Variants in ATP10A observed in about 807,000 individuals in gnomAD.
ATP10A encodes the protein ATPase phospholipid transporting 10A (putative).
A neutral mutation model predicts 147.8 loss-of-function variants in ATP10A; 111 were observed. That is an observed-to-expected ratio of 0.75 (90% confidence interval 0.64 to 0.88). The LOEUF is 0.88. Among genes scored for constraint, ATP10A ranks in the 40% least tolerant of loss-of-function variants. The pLI is 0.00. For missense variants in ATP10A, 1,927 were observed against 1,959.0 expected, an observed-to-expected ratio of 0.98 and a Z score of 0.31; for synonymous variants, 875 against 841.6, an observed-to-expected ratio of 1.04 and a Z score of -0.69.
At chr15:25,856,315 C>T (rs555654483) in intron 1 of ATP10A, among the ~76,000 whole-genome samples, 3 of 152,290 alleles carry the variant, frequency 2.0e-5, no homozygotes, top group African/African-American at 7.2e-5. Context: ...CCTGCTTGCA[C>T]TCATTCTCTC....
chr15:25,847,340 C>T (rs901165562), intron 1 of ATP10A, among the ~76,000 whole-genome samples: 1 of 152,148 alleles, frequency 6.6e-6, no homozygotes, highest in Non-Finnish European at 1.5e-5. Flanking sequence ...CCTCTCTGGG[C>T]TCCCATTTCC....
intron 13 of ATP10A, among the ~76,000 whole-genome samples, chr15:25,698,375 G>A (rs528299951): frequency 1.2e-3 from 183 of 152,256 alleles, no homozygotes; most frequent in Non-Finnish European, 2.1e-3. Flanking sequence ...GTGAAGATCC[G>A]CTTTCACTTA....
chr15:25,739,232 G>A (rs1000495803), intron 2 of ATP10A, among the ~76,000 whole-genome samples: 2 of 152,104 alleles, frequency 1.3e-5, no homozygotes, highest in Non-Finnish European at 2.9e-5. Flanking sequence ...ACTGCACTCG[G>A]CCTTAATTGC....
At chr15:25,836,022 C>G (rs1431700693) in intron 1 of ATP10A, among the ~76,000 whole-genome samples, 3 of 152,194 alleles carry the variant, frequency 2.0e-5, no homozygotes, top group East Asian at 3.9e-4. Context: ...ACCGTGTTAG[C>G]CAGGATGGTC....
intron 1 of ATP10A, among the ~76,000 whole-genome samples, chr15:25,789,736 G>A (rs375948388): frequency 2.0e-5 from 3 of 152,278 alleles, no homozygotes; most frequent in African/African-American, 7.2e-5. Flanking sequence ...GCTTTCAAAG[G>A]TTTCTCCGCC....
intron 1 of ATP10A, among the ~76,000 whole-genome samples, chr15:25,848,419 C>G (rs551916953): frequency 6.6e-6 from 1 of 152,194 alleles, no homozygotes; most frequent in South Asian, 2.1e-4. Context: ...CTCCTGAGGA[C>G]CTGGGACTAC....
intron 1 of ATP10A, among the ~76,000 whole-genome samples, chr15:25,852,239 C>T (rs1893329426): frequency 6.6e-6 from 1 of 151,948 alleles, no homozygotes; most frequent in Admixed American, 6.6e-5. Flanking sequence ...CTGTTAAGTG[C>T]CATCCTCCCT....
intron 1 of ATP10A, among the ~76,000 whole-genome samples, chr15:25,804,477 T>A (rs1308727645): frequency 7.1e-6 from 1 of 140,674 alleles, no homozygotes; most frequent in Non-Finnish European, 1.5e-5. Context: ...GGTGTATGTA[T>A]GTGTGTGGTG....
chr15:25,749,264 C>T (rs1322777198), intron 2 of ATP10A, among the ~76,000 whole-genome samples: 1 of 151,978 alleles, frequency 6.6e-6, no homozygotes, highest in Non-Finnish European at 1.5e-5. Flanking sequence ...GCTAGGAATA[C>T]ATCTAAAAAA....
chr15:25,718,431 T>C (rs976310568), intron 7 of ATP10A, 32 bp from the exon 8 acceptor site: 7 of 1,558,710 alleles, frequency 4.5e-6, no homozygotes, highest in South Asian at 2.3e-5. Context: ...TGAGGCATCA[T>C]GGGGGAAGGC....
intron 1 of ATP10A, among the ~76,000 whole-genome samples, chr15:25,794,575 G>A (rs551456044): frequency 6.6e-6 from 1 of 152,192 alleles, no homozygotes; most frequent in Non-Finnish European, 1.5e-5. Flanking sequence ...ATGGAGACAT[G>A]ATTTCCCTGG....
chr15:25,701,017 C>T (rs1026576782), intron 13 of ATP10A, among the ~76,000 whole-genome samples: 10 of 151,684 alleles, frequency 6.6e-5, no homozygotes, highest in African/African-American at 1.7e-4. Context: ...CCCCGGCCAG[C>T]GTGGCTGTGA....
chr15:25,694,936 A>G lies in ATP10A; in HGVS notation c.2971T>C (p.Phe991Leu). 1 of 1,614,132 alleles carries G rather than the reference A, an allele frequency of 6.2e-7. No individual in the cohort carries two copies. Among genetic ancestry groups the G allele is most frequent in the East Asian group, 2.2e-5 (1 of 44,866 alleles). ...CGGCACTGCTTGGCAAGGAAGAGGA[A>G]TTTGTCCTCCAGGTTTTTCTCGAGA... ...YALEKNLEDKFLFLAKQCRSV... is the reference protein window; with the variant it reads ...YALEKNLEDKLLFLAKQCRSV... Residue 991 changes from phenylalanine to leucine, a missense_variant, in exon 14 of 21, where the codon TTC becomes CTC. Phe to Leu is a conservative substitution (Grantham distance 22). Coordinates refer to ENST00000555815, the MANE Select transcript of ATP10A (RefSeq NM_024490.4).
At chr15:25,813,183 T>A (rs1286204287) in intron 1 of ATP10A, among the ~76,000 whole-genome samples, 2 of 152,138 alleles carry the variant, frequency 1.3e-5, no homozygotes, top group African/African-American at 4.8e-5. Context: ...AAAGACCCAA[T>A]GGTAAAAGCA....
chr15:25,821,395 AAAAC>A, intron 1 of ATP10A, among the ~76,000 whole-genome samples: 1 of 110,524 alleles, frequency 9.0e-6, no homozygotes, highest in East Asian at 2.3e-4. Context: ...TGTCTCAAAA[AAAAC>A]AAAAAAAAAA....
downstream of ATP10A, among the ~76,000 whole-genome samples, chr15:25,676,191 G>A (rs894293484): frequency 6.6e-6 from 1 of 152,158 alleles, no homozygotes; most frequent in African/African-American, 2.4e-5. Context: ...GAAAGCAGGA[G>A]GAGGGCAAAG....
At chr15:25,817,771 T>C (rs781459952) in intron 1 of ATP10A, among the ~76,000 whole-genome samples, 2 of 152,200 alleles carry the variant, frequency 1.3e-5, no homozygotes, top group Non-Finnish European at 2.9e-5. Flanking sequence ...TAACCTTTCC[T>C]GGGGTCAGAT....
At chr15:25,741,347 C>T (rs1456363727) in intron 2 of ATP10A, among the ~76,000 whole-genome samples, 1 of 152,132 alleles carries the variant, frequency 6.6e-6, no homozygotes, top group Non-Finnish European at 1.5e-5. Flanking sequence ...CTGCCTGCCG[C>T]ACCATCTCCC....
chr15:25,687,593 G>C, intron 16 of ATP10A, 110 bp downstream of exon 16: 1 of 791,896 alleles, frequency 1.3e-6, no homozygotes, highest in East Asian at 1.1e-4. Flanking sequence ...GGATGGAGCA[G>C]GTTGTCCATG....
Sources: allele counts gnomAD v4.1 joint callset (sites outside exome capture counted in the v4.1 genomes callset), GRCh38; gene constraint gnomAD v4.1.1; transcripts MANE v1.5; gene names NCBI Gene and HGNC (gene_info 2026-07-23, HGNC 2026-07-21).